ELFN1: variants seen among roughly 807,000 people sequenced by gnomAD.
ELFN1 encodes the protein extracellular leucine rich repeat and fibronectin type III domain containing 1, also known as protein ELFN1.
ELFN1 carries 6 observed loss-of-function variants against 7.6 expected under a neutral mutation model. That is an observed-to-expected ratio of 0.79 (90% CI 0.43 to 1.56). The LOEUF is 1.56. Among genes scored for constraint, ELFN1 ranks in the 40% most tolerant of loss-of-function variants. The pLI, the probability that ELFN1 is intolerant of heterozygous loss-of-function variation, is 0.01. For synonymous variants in ELFN1, 657 were observed against 588.1 expected, an observed-to-expected ratio of 1.12 and a Z score of -1.70; for missense variants, 1,169 against 1,232.2, an observed-to-expected ratio of 0.95 and a Z score of 0.77.
At chr7:1,683,096 CTG>C (rs1357145539) in intron 1 of ELFN1, among the ~76,000 whole-genome samples, 1 of 150,746 alleles carries the variant, frequency 6.6e-6, no homozygotes, top group African/African-American at 2.4e-5. Flanking sequence ...GTTTAAAGGT[CTG>C]TTATTTTCTG....
intron 3 of ELFN1, among the ~76,000 whole-genome samples, chr7:1,737,650 C>A (rs2128601611): frequency 6.6e-6 from 1 of 152,302 alleles, no homozygotes; most frequent in Non-Finnish European, 1.5e-5. Context: ...GCTCACACCA[C>A]CTCCCCGCAG....
chr7:1,689,887 C>T (rs890456070), intron 2 of ELFN1, among the ~76,000 whole-genome samples: 1 of 152,210 alleles, frequency 6.6e-6, no homozygotes, highest in Admixed American at 6.5e-5. Context: ...CTTCCCCAAG[C>T]AGTCAGGGAT....
At chr7:1,677,213 T>C (rs1778888224) in intron 1 of ELFN1, among the ~76,000 whole-genome samples, 1 of 152,236 alleles carries the variant, frequency 6.6e-6, no homozygotes, top group African/African-American at 2.4e-5. Context: ...CCTGCTTCCC[T>C]TTGACAGCCA....
In ELFN1 at chr7:1,745,899, G is replaced by T; in HGVS notation, c.1303G>T (p.Ala435Ser). Residue 435 changes from alanine to serine, a missense_variant, in exon 4 of 4, where the codon GCC (alanine) becomes TCC (serine). Ala to Ser is a moderately conservative substitution (Grantham distance 99). Transcript: ENST00000424383. The part of the protein sequence containing the change: ...CLFGMVLVLG[A>S]VYYCLRRRRR... ...CTTCGGCATGGTGCTGGTGCTGGGC[G>T]CCGTCTACTACTGCCTGCGCAGGCG... 1.3e-6 allele frequency: 2 copies of T among 1,586,626 alleles called. No individual in the cohort carries two copies. Among genetic ancestry groups the T allele is most frequent in the Non-Finnish European group, 1.7e-6 (2 of 1,168,280 alleles).
chr7:1,738,793 A>G (rs1780524335), intron 3 of ELFN1: 1 of 151,962 alleles, frequency 6.6e-6, no homozygotes, highest in South Asian at 2.1e-4. Context: ...AGCAGTGACC[A>G]GGACACACAG....
In ELFN1 at chr7:1,724,614, G is replaced by T. The variant is rs1005220157; in HGVS notation, c.-294+15362G>T. Among the ~76,000 whole-genome samples the T allele has an allele frequency of 1.2e-4, 18 of 152,124 alleles. 1 individual carries two copies. The highest frequency in any genetic ancestry group is 4.4e-5 in the Non-Finnish European group (3 of 68,012). On this transcript the variant is annotated intron_variant, in intron 3 of 3. Transcript: ENST00000424383. The stretch of plus-strand genomic sequence containing the variant: ...GGACAGAGCTTGTGACCCCCACCCG[G>T]ACCCCCTTTGGGGAACCCCCGCCCT...
chr7:1,675,946 A>G (rs1344021942), intron 1 of ELFN1, among the ~76,000 whole-genome samples: 1 of 152,038 alleles, frequency 6.6e-6, no homozygotes, highest in African/African-American at 2.4e-5. Flanking sequence ...GGGGCTGGGG[A>G]CCCTCAGGAT....
rs1296071890 is a variant in ELFN1, at chr7:1,746,208, G to A, written c.1612G>A (p.Asp538Asn). The change falls in exon 4 of 4, where the codon GAC becomes AAC. Residue 538 changes from aspartate (D) to asparagine (N), a missense_variant. Asp to Asn is a conservative substitution (Grantham distance 23). Coordinates refer to ENST00000424383, the MANE Select transcript of ELFN1 (RefSeq NM_001128636.4). ...VRTGDPPERR[D>N]CELGRPGPDS... The stretch of plus-strand genomic sequence containing the variant: ...AACCGGGGACCCTCCGGAACGCAGG[G>A]ACTGTGAGCTGGGCCGGCCGGGCCC... The A allele has an allele frequency of 6.4e-7, 1 of 1,554,950 alleles. No homozygotes were observed. The highest frequency in any genetic ancestry group is 1.4e-5 in the African/African-American group (1 of 73,160).
intron 3 of ELFN1, among the ~76,000 whole-genome samples, chr7:1,711,614 GAGAGA>G (rs1562369948): frequency 2.1e-4 from 31 of 148,730 alleles, no homozygotes; most frequent in African/African-American, 7.7e-4. Flanking sequence ...GAGAGAGAGA[GAGAGA>G]GAGAGAGAAT....
chr7:1,708,226 T>C (rs1231896233), intron 2 of ELFN1, among the ~76,000 whole-genome samples: 1 of 152,188 alleles, frequency 6.6e-6, no homozygotes, highest in African/African-American at 2.4e-5. Flanking sequence ...TCAGCCTCAG[T>C]TTCCCTATCT....
intron 3 of ELFN1, among the ~76,000 whole-genome samples, chr7:1,729,127 C>G (rs1025477516): frequency 3.3e-5 from 5 of 152,222 alleles, no homozygotes; most frequent in African/African-American, 1.2e-4. Flanking sequence ...GGCCCCTCTG[C>G]TCAACTCACT....
intron 3 of ELFN1, among the ~76,000 whole-genome samples, chr7:1,714,526 A>G (rs1779770971): frequency 6.6e-6 from 1 of 152,266 alleles, no homozygotes; most frequent in Non-Finnish European, 1.5e-5. Context: ...CTCTTGCCAT[A>G]AATAGAATTC....
At chr7:1,687,123 G>C (rs1447722767) in intron 1 of ELFN1, among the ~76,000 whole-genome samples, 2 of 152,142 alleles carry the variant, frequency 1.3e-5, no homozygotes, top group African/African-American at 4.8e-5. Flanking sequence ...TAACTGAGTT[G>C]GGGGGAGGTG....
At chr7:1,713,759 G>C (rs1285027524) in intron 3 of ELFN1, among the ~76,000 whole-genome samples, 1 of 152,174 alleles carries the variant, frequency 6.6e-6, no homozygotes, top group Non-Finnish European at 1.5e-5. Context: ...GGAGGGGGGG[G>C]CGATGTCCTT....
intron 3 of ELFN1, among the ~76,000 whole-genome samples, chr7:1,717,969 A>C (rs62435490): frequency 0.11 from 17,090 of 152,224 alleles, 1,253 homozygotes; most frequent in South Asian, 0.22. Flanking sequence ...AAGCTGTTGA[A>C]GAACGGTAGT....
chr7:1,726,481 A>G (rs1375975760), intron 3 of ELFN1, among the ~76,000 whole-genome samples: 1 of 152,228 alleles, frequency 6.6e-6, no homozygotes, highest in Non-Finnish European at 1.5e-5. Flanking sequence ...CCCAAGGCCA[A>G]GCTGGCCCAG....
chr7:1,726,774 C>T (rs1780208695), intron 3 of ELFN1, among the ~76,000 whole-genome samples: 2 of 152,218 alleles, frequency 1.3e-5, no homozygotes, highest in South Asian at 4.1e-4. Flanking sequence ...GGGACATGAG[C>T]CCAGCTGTTA....
At chr7:1,690,751 AG>A (rs1184321837) in intron 2 of ELFN1, among the ~76,000 whole-genome samples, 4 of 138,236 alleles carry the variant, frequency 2.9e-5, no homozygotes, top group Non-Finnish European at 6.3e-5. Context: ...ATGAATGGAT[AG>A]GTGGGTGGGT....
intron 1 of ELFN1, among the ~76,000 whole-genome samples, chr7:1,672,828 T>A (rs1347774304): frequency 1.3e-5 from 2 of 150,832 alleles, no homozygotes; most frequent in African/African-American, 4.9e-5. Context: ...TGAGCAGAGG[T>A]GCATGGACTT....
Sources: allele counts gnomAD v4.1 joint callset (sites outside exome capture counted in the v4.1 genomes callset), GRCh38; gene constraint gnomAD v4.1.1; transcripts MANE v1.5; gene names NCBI Gene and HGNC (gene_info 2026-07-23, HGNC 2026-07-21).